GALNTL6: variants seen among roughly 807,000 people sequenced by gnomAD.
GALNTL6 encodes polypeptide N-acetylgalactosaminyltransferase-like 6.
In GALNTL6, 46 loss-of-function variants were observed where a neutral mutation model predicts 73.7. The observed-to-expected ratio is 0.62, with a 90% confidence interval of 0.49 to 0.80. The LOEUF (loss-of-function observed/expected upper bound fraction) is 0.80. GALNTL6 is among the 30% of genes least tolerant of loss of function. The pLI, the probability that GALNTL6 is intolerant of heterozygous loss-of-function variation, is 0.00. For synonymous variants in GALNTL6, 259 were observed against 263.7 expected (o/e 0.98, Z 0.17); for missense variants, 604 against 755.0 (o/e 0.80, Z 2.34).
In GALNTL6 at chr4:172,967,603, A is replaced by G. The variant is rs1392720192; in HGVS notation, c.1371+15345A>G. Among the ~76,000 whole-genome samples the G allele has an allele frequency of 4.6e-5, 7 of 152,110 alleles. No homozygotes were observed. The East Asian group carries it at 1.2e-3, about 25-fold the overall frequency. On this transcript the variant is annotated intron_variant, in intron 10 of 12. Transcript: ENST00000506823. The stretch of plus-strand genomic sequence containing the variant: ...CCAACTATATTATGAAGTCCCAACT[A>G]TAATATTAGGGGACTTCATGATATT...
chr4:172,639,996 T>A (rs1180912414), intron 5 of GALNTL6, among the ~76,000 whole-genome samples: 2 of 152,076 alleles, frequency 1.3e-5, no homozygotes, highest in East Asian at 3.9e-4. Context: ...TTTTCCCACA[T>A]GTTACCACCC....
chr4:171,820,932 G>A (rs949956710), intron 2 of GALNTL6, among the ~76,000 whole-genome samples: 2 of 152,108 alleles, frequency 1.3e-5, no homozygotes, highest in Non-Finnish European at 2.9e-5. Flanking sequence ...GAAATCCAGA[G>A]AAAATTATAA....
chr4:171,915,025 G>A (rs992228627), intron 2 of GALNTL6, among the ~76,000 whole-genome samples: 1 of 151,806 alleles, frequency 6.6e-6, no homozygotes, highest in African/African-American at 2.4e-5. Context: ...AAACTTATTT[G>A]TTATAAAGGG....
intron 2 of GALNTL6, among the ~76,000 whole-genome samples, chr4:171,889,620 C>T (rs1263307651): frequency 6.6e-6 from 1 of 151,912 alleles, no homozygotes; most frequent in East Asian, 1.9e-4. Flanking sequence ...TCGTATGTTG[C>T]CTTATTTTAA....
chr4:171,993,576 A>C (rs1173566239), intron 2 of GALNTL6, among the ~76,000 whole-genome samples: 1 of 152,142 alleles, frequency 6.6e-6, no homozygotes. Context: ...ATTTAGCCAA[A>C]TGATGAATTC....
At chr4:172,614,457 A>G (rs1309185770) in intron 5 of GALNTL6, among the ~76,000 whole-genome samples, 1 of 152,166 alleles carries the variant, frequency 6.6e-6, no homozygotes, top group Non-Finnish European at 1.5e-5. Context: ...ATTGTTCTAT[A>G]TAAGTTTAAT....
At chr4:172,882,687 G>A in intron 7 of GALNTL6, 103 bp from the exon 8 acceptor site, 4 of 788,566 alleles carry the variant, frequency 5.1e-6, no homozygotes, top group South Asian at 4.2e-5. Flanking sequence ...GTTCCACACA[G>A]CTGACCACTA....
intron 2 of GALNTL6, among the ~76,000 whole-genome samples, chr4:171,988,120 C>G (rs574535753): frequency 6.6e-6 from 1 of 152,204 alleles, no homozygotes; most frequent in East Asian, 1.9e-4. Flanking sequence ...AGCCACTGCA[C>G]GCAGACATGA....
chr4:172,008,604 G>A (rs570420192), intron 2 of GALNTL6, among the ~76,000 whole-genome samples: 6 of 152,190 alleles, frequency 3.9e-5, no homozygotes, highest in African/African-American at 1.2e-4. Flanking sequence ...GGGGAGAATC[G>A]TGTATCAAAC....
At chr4:172,691,824 G>T (rs1733317991) in intron 5 of GALNTL6, among the ~76,000 whole-genome samples, 1 of 152,192 alleles carries the variant, frequency 6.6e-6, no homozygotes, top group African/African-American at 2.4e-5. Flanking sequence ...GAAAAAGACA[G>T]AATTATAGCA....
chr4:172,296,255 G>A (rs1273938558), intron 3 of GALNTL6, among the ~76,000 whole-genome samples: 2 of 151,992 alleles, frequency 1.3e-5, no homozygotes, highest in South Asian at 2.1e-4. Flanking sequence ...CTGTTACTGT[G>A]GTGAACTATG....
intron 2 of GALNTL6, among the ~76,000 whole-genome samples, chr4:171,949,607 C>A (rs1375829724): frequency 6.6e-6 from 1 of 151,956 alleles, no homozygotes; most frequent in Non-Finnish European, 1.5e-5. Context: ...TTCTCAGATT[C>A]AAATTACAGA....
At chr4:172,832,126 G>A (rs1173943265) in intron 7 of GALNTL6, among the ~76,000 whole-genome samples, 1 of 152,096 alleles carries the variant, frequency 6.6e-6, no homozygotes, top group Non-Finnish European at 1.5e-5. Context: ...TGAGGAAATT[G>A]CTTTACTTCT....
At chr4:172,428,211 G>T (rs1053115970) in intron 5 of GALNTL6, among the ~76,000 whole-genome samples, 10 of 152,074 alleles carry the variant, frequency 6.6e-5, no homozygotes, top group African/African-American at 2.4e-4. Flanking sequence ...TCACTGTTCA[G>T]TAATAACAGT....
chr4:172,237,026 TTGC>T lies in GALNTL6; in HGVS notation c.247+7266_247+7268del, dbSNP rs1413330427. Among the ~76,000 whole-genome samples, 5 of 152,302 alleles carry T rather than the reference TTGC, an allele frequency of 3.3e-5. No homozygotes were observed. The East Asian group carries it at 7.7e-4, about 24-fold the overall frequency. ...ACAATGGTCTCCAGCTCCATCCATG[TTGC>T]TGCAAAAAACATGATTTCATTCTTT... On this transcript the variant is annotated intron_variant, in intron 3 of 12. Coordinates refer to ENST00000506823, the MANE Select transcript of GALNTL6 (RefSeq NM_001034845.3).
At chr4:172,179,212 A>G (rs1490487955) in intron 2 of GALNTL6, among the ~76,000 whole-genome samples, 1 of 150,840 alleles carries the variant, frequency 6.6e-6, no homozygotes, top group Non-Finnish European at 1.5e-5. Flanking sequence ...CTAGTTCTAG[A>G]TCCCTGAGGA....
chr4:172,406,485 C>G (rs1243842844), intron 5 of GALNTL6, among the ~76,000 whole-genome samples: 1 of 151,888 alleles, frequency 6.6e-6, no homozygotes, highest in Non-Finnish European at 1.5e-5. Flanking sequence ...CCCTTTTATA[C>G]TGAGAACTAA....
intron 7 of GALNTL6, among the ~76,000 whole-genome samples, chr4:172,850,217 G>C (rs1410539682): frequency 2.6e-5 from 4 of 152,068 alleles, no homozygotes; most frequent in Non-Finnish European, 5.9e-5. Flanking sequence ...TGTAGGACAA[G>C]GTATATTTAA....
chr4:172,034,395 CGTGCGTGTGTGTGTGTGTGTGTGT>C (rs1345724414), intron 2 of GALNTL6, among the ~76,000 whole-genome samples: 1,651 of 139,682 alleles, frequency 0.012, 22 homozygotes, highest in South Asian at 0.016. Context: ...GGGGAGCGTG[CGTGCGTGTGTGTGTGTGTGTGTGT>C]GTGTGTGTGT....
Sources: allele counts gnomAD v4.1 joint callset (sites outside exome capture counted in the v4.1 genomes callset), GRCh38; gene constraint gnomAD v4.1.1; transcripts MANE v1.5; gene names NCBI Gene and HGNC (gene_info 2026-07-23, HGNC 2026-07-21).